Variants in LINGO2 observed in about 807,000 individuals in gnomAD.
LINGO2 encodes leucine rich repeat and Ig domain containing 2.
Under a neutral mutation model 30.6 loss-of-function variants are expected in LINGO2, and 14 were observed. That is an observed-to-expected ratio of 0.46 (90% CI 0.30 to 0.72). The LOEUF (loss-of-function observed/expected upper bound fraction) is 0.72, where lower values mean the gene tolerates loss of function less well. Ranked by LOEUF, LINGO2 falls within the 30% of genes least tolerant of loss-of-function variation. The pLI is 0.07. For synonymous variants in LINGO2, 317 were observed against 288.5 expected (o/e 1.10, Z -1.00); for missense variants, 729 against 751.7 (o/e 0.97, Z 0.35).
At chr9:28,654,923 TTTTG>T (rs968859888) in intron 1 of LINGO2, among the ~76,000 whole-genome samples, 12 of 152,190 alleles carry the variant, frequency 7.9e-5, no homozygotes, top group East Asian at 3.9e-4. Flanking sequence ...GTTAGGCACT[TTTTG>T]TTTGTTTGTT....
chr9:28,882,888 C>T, the LINGO2 span, among the ~76,000 whole-genome samples: 1 of 152,176 alleles, frequency 6.6e-6, no homozygotes, highest in East Asian at 1.9e-4. Flanking sequence ...CCACCATCTT[C>T]TCCTGAGCTA....
chr9:28,175,445 G>T (rs77604354), intron 4 of LINGO2, among the ~76,000 whole-genome samples: 3,930 of 152,152 alleles, frequency 0.026, 72 homozygotes, highest in Non-Finnish European at 0.041. Flanking sequence ...GAAACCATAG[G>T]GGAGGGAGGT....
At chr9:28,822,973 T>A in the LINGO2 span, among the ~76,000 whole-genome samples, 1 of 152,134 alleles carries the variant, frequency 6.6e-6, no homozygotes, top group Non-Finnish European at 1.5e-5. Context: ...CCCAGCAGCT[T>A]TTGGACTATT....
At chr9:28,197,459 A>G (rs1022085761) in intron 4 of LINGO2, among the ~76,000 whole-genome samples, 2 of 152,016 alleles carry the variant, frequency 1.3e-5, no homozygotes, top group Non-Finnish European at 2.9e-5. Context: ...TGGCATTTCA[A>G]TTCACTAGGG....
chr9:28,802,827 G>C, the LINGO2 span, among the ~76,000 whole-genome samples: 1 of 152,000 alleles, frequency 6.6e-6, no homozygotes, highest in Non-Finnish European at 1.5e-5. Flanking sequence ...ATCTCTTTGG[G>C]CTCTAGTTCT....
At chr9:28,734,971 A>G in the LINGO2 span, among the ~76,000 whole-genome samples, 3 of 152,168 alleles carry the variant, frequency 2.0e-5, no homozygotes, top group African/African-American at 4.8e-5. Flanking sequence ...TATGTTTCTG[A>G]GTAATACTGC....
In LINGO2 at chr9:28,136,256, G is replaced by A. The variant is rs139198146; in HGVS notation, c.-86-123851C>T. Among the ~76,000 whole-genome samples the A allele has an allele frequency of 3.9e-5, 6 of 152,316 alleles. No homozygotes were observed. The East Asian group carries it at 1.2e-3, about 29-fold the overall frequency. Reference sequence around the variant, plus strand: ...TACGATACTACTAGTTGATAATCAAGGCTGTTGCTGGCCCAGAGGGCGATA... The same window carrying A: ...TACGATACTACTAGTTGATAATCAAAGCTGTTGCTGGCCCAGAGGGCGATA... On this transcript the variant is annotated intron_variant, in intron 4 of 5. Transcript: ENST00000379992.
intron 1 of LINGO2, among the ~76,000 whole-genome samples, chr9:28,517,171 T>G (rs752927135): frequency 2.0e-5 from 3 of 151,962 alleles, no homozygotes; most frequent in Non-Finnish European, 4.4e-5. Context: ...AGAAAGGTCT[T>G]TCTTACAGAC....
At chr9:28,513,084 T>TACACAC (rs57773955) in intron 1 of LINGO2, among the ~76,000 whole-genome samples, 1,487 of 146,708 alleles carry the variant, frequency 0.01, 10 homozygotes, top group African/African-American at 0.022. Context: ...TTAACCATCA[T>TACACAC]ACACACACAC....
intron 4 of LINGO2, among the ~76,000 whole-genome samples, chr9:28,050,686 TGGTTATGTAG>T (rs1475131475): frequency 1.3e-5 from 2 of 150,946 alleles, no homozygotes; most frequent in Non-Finnish European, 2.9e-5. Context: ...CATTGCTTCG[TGGTTATGTAG>T]AAGAGCCCAG....
chr9:28,974,537 A>T, the LINGO2 span, among the ~76,000 whole-genome samples: 1 of 152,162 alleles, frequency 6.6e-6, no homozygotes, highest in Non-Finnish European at 1.5e-5. Flanking sequence ...TAAAAATGGG[A>T]GTTCCCTTGT....
the LINGO2 span, among the ~76,000 whole-genome samples, chr9:28,958,574 G>C: frequency 6.6e-6 from 1 of 152,108 alleles, no homozygotes; most frequent in Non-Finnish European, 1.5e-5. Context: ...CAGGTTATCA[G>C]CCCTCCAGGA....
the LINGO2 span, among the ~76,000 whole-genome samples, chr9:28,679,939 GT>G: frequency 9.4e-5 from 14 of 149,716 alleles, no homozygotes; most frequent in Admixed American, 3.3e-4. Flanking sequence ...CATACTTACC[GT>G]TTTTTTTTGT....
At chr9:27,997,785 C>G (rs1023939837) in intron 5 of LINGO2, among the ~76,000 whole-genome samples, 1 of 152,072 alleles carries the variant, frequency 6.6e-6, no homozygotes, top group African/African-American at 2.4e-5. Flanking sequence ...CTAAATGGGT[C>G]GAAAGCAAGT....
chr9:27,955,012 C>G (rs1819498424), intron 5 of LINGO2, among the ~76,000 whole-genome samples: 1 of 152,140 alleles, frequency 6.6e-6, no homozygotes, highest in African/African-American at 2.4e-5. Context: ...TGACGTTGAG[C>G]ATGCATTTTG....
the LINGO2 span, among the ~76,000 whole-genome samples, chr9:28,780,380 CA>C: frequency 6.6e-6 from 1 of 151,950 alleles, no homozygotes; most frequent in East Asian, 1.9e-4. Context: ...GACAGCTTAG[CA>C]GCCAAAATAA....
the LINGO2 span, among the ~76,000 whole-genome samples, chr9:28,857,486 T>TA: frequency 6.6e-6 from 1 of 152,024 alleles, no homozygotes; most frequent in Admixed American, 6.6e-5. Context: ...CTACAGGGAT[T>TA]AAGTGGTAGA....
At chr9:28,014,975 C>CA (rs1435220337) in intron 4 of LINGO2, among the ~76,000 whole-genome samples, 29 of 152,022 alleles carry the variant, frequency 1.9e-4, no homozygotes, top group Admixed American at 1.0e-3. Flanking sequence ...AAAGTTTGTA[C>CA]AAAAAATGTG....
intron 2 of LINGO2, among the ~76,000 whole-genome samples, chr9:28,409,028 C>G (rs1822637637): frequency 6.6e-6 from 1 of 152,042 alleles, no homozygotes; most frequent in African/African-American, 2.4e-5. Context: ...GAACACAGGA[C>G]AGGTTGTCAG....
Sources: allele counts gnomAD v4.1 joint callset (sites outside exome capture counted in the v4.1 genomes callset), GRCh38; gene constraint gnomAD v4.1.1; transcripts MANE v1.5; gene names NCBI Gene and HGNC (gene_info 2026-07-23, HGNC 2026-07-21).